Variants in NOD2 observed in about 807,000 individuals in gnomAD.
NOD2 encodes the protein nucleotide-binding oligomerization domain-containing protein 2.
A neutral mutation model predicts 90.9 loss-of-function variants in NOD2; 86 were observed. The ratio of observed to expected loss-of-function variants is 0.95; its 90% CI spans 0.79 to 1.13. NOD2 has a LOEUF of 1.13. Among genes scored for constraint, NOD2 ranks in the 50% most tolerant of loss-of-function variants. NOD2 has a pLI of 0.00. For synonymous variants in NOD2, 581 were observed against 554.6 expected (o/e 1.05, Z -0.67); for missense variants, 1,238 against 1,283.8 (o/e 0.96, Z 0.55).
chr16:50,693,829 G>A (rs921594002), intron 1 of NOD2, among the ~76,000 whole-genome samples, 167 bp downstream of exon 1: 26 of 152,158 alleles, frequency 1.7e-4, no homozygotes, highest in African/African-American at 5.3e-4. Context: ...TAGATGGGAA[G>A]TGAGACGGAA....
chr16:50,715,174 G>A (rs1459063939), intron 4 of NOD2, among the ~76,000 whole-genome samples: 1 of 152,208 alleles, frequency 6.6e-6, no homozygotes, highest in Admixed American at 6.5e-5. Context: ...AAGCCTTTAT[G>A]TGCCGTACAA....
At chr16:50,724,485 A>G (rs1037122655) in intron 9 of NOD2, among the ~76,000 whole-genome samples, 4 of 152,252 alleles carry the variant, frequency 2.6e-5, no homozygotes, top group South Asian at 2.1e-4. Flanking sequence ...AAGGTAGGCA[A>G]GCAGTATCTA....
At chr16:50,705,045 A>C (rs913611972) in intron 2 of NOD2, among the ~76,000 whole-genome samples, 2 of 151,926 alleles carry the variant, frequency 1.3e-5, no homozygotes, top group East Asian at 3.8e-4. Context: ...ACTACTATTA[A>C]TTCAATGTTA....
intron 4 of NOD2, among the ~76,000 whole-genome samples, chr16:50,714,221 G>A (rs1022424041): frequency 4.6e-5 from 7 of 152,168 alleles, no homozygotes; most frequent in African/African-American, 1.7e-4. Context: ...TTACCAGGGT[G>A]TGCAGAAGGG....
chr16:50,699,843 G>A lies in NOD2; in HGVS notation c.348G>A (p.Arg116=). The A allele has an allele frequency of 1.2e-6, 2 of 1,613,552 alleles. No homozygotes were observed. Among genetic ancestry groups the A allele is most frequent in the Non-Finnish European group, 1.7e-6 (2 of 1,179,940 alleles). ...DLQSHRPAIV[R]RLHSHVENML... ...AGAGTCACCGGCCAGCCATTGTCAG[G>A]AGGCTCCACAGCCATGTGGAGAACA... The change falls in exon 2 of 12, where the codon AGG becomes AGA. Residue 116 remains arginine (R), a synonymous_variant. Coordinates refer to ENST00000647318, the MANE Select transcript of NOD2 (RefSeq NM_001370466.1).
intron 6 of NOD2, 140 bp from the exon 7 acceptor site, chr16:50,719,785 G>A (rs1168371998): frequency 7.6e-6 from 6 of 788,874 alleles, no homozygotes; most frequent in East Asian, 4.9e-5. Context: ...AGACCTAGCA[G>A]CGAGGGCACC....
Position 50,717,316 on chromosome 16 carries a change from A to G in NOD2, c.2549+342A>G, listed in dbSNP as rs2150825280. Reference sequence around the variant, plus strand: ...GCTCGTCCTGGTGGGGGAGGCATACACAGTTACTTGCCACCCCAGCTGTGG... The same window carrying G: ...GCTCGTCCTGGTGGGGGAGGCATACGCAGTTACTTGCCACCCCAGCTGTGG... On this transcript the variant is annotated intron_variant, in intron 6 of 11. Coordinates refer to ENST00000647318, the MANE Select transcript of NOD2 (RefSeq NM_001370466.1). 1.3e-5 allele frequency among the ~76,000 whole-genome samples: 2 copies of G among 152,264 alleles called. 1 individual carries two copies. The highest frequency in any genetic ancestry group is 6.8e-3 in the Middle Eastern group (2 of 294).
In NOD2 at chr16:50,722,683, C is replaced by A; in HGVS notation, c.2695C>A (p.His899Asn). 6.2e-7 allele frequency: 1 copy of A among 1,614,234 alleles called. No homozygotes were observed. ...GGCCCTGGCTGAAGCCTTGGGTGAT[C>A]ACCAGAGCTTGAGGTGGCTCAGGTA... Reference protein sequence around the residue: ...AQALAEALGDHQSLRWLSLVG... With the variant: ...AQALAEALGDNQSLRWLSLVG... The change falls in exon 8 of 12, where the codon CAC becomes AAC. Residue 899 changes from histidine to asparagine, a missense_variant. This residue lies in a region of NOD2 where 667 missense variants were observed against 688.7 expected (regional missense o/e 0.97). Transcript: ENST00000647318.
chr16:50,704,624 C>G (rs1365412171), intron 2 of NOD2, among the ~76,000 whole-genome samples: 2 of 151,806 alleles, frequency 1.3e-5, no homozygotes, highest in Non-Finnish European at 2.9e-5. Context: ...ACCTCCACCT[C>G]CTGGGTTTAA....
At chr16:50,728,922 T>G (rs1875333365) in intron 10 of NOD2, 1 of 152,956 alleles carries the variant, frequency 6.5e-6, no homozygotes, top group South Asian at 2.1e-4. Flanking sequence ...TTTCTATCAA[T>G]TAAGTACTGT....
In NOD2 at chr16:50,714,602, C is replaced by CTGTGTGTGTG. The variant is rs67559630; in HGVS notation, c.2382-1953_2382-1944dup. On this transcript the variant is annotated intron_variant, in intron 4 of 11. Coordinates refer to ENST00000647318, the MANE Select transcript of NOD2 (RefSeq NM_001370466.1). ...CAACCATGAGGTTGCTGTGAGTGCACTGTGTGTGTGTGTGTGTGTGTGTGT... is the reference window on the plus strand; with the variant it reads ...CAACCATGAGGTTGCTGTGAGTGCACTGTGTGTGTGTGTGTGTGTGTGTGTGTGTGTGTGT... 1.6e-3 allele frequency among the ~76,000 whole-genome samples: 217 copies of CTGTGTGTGTG among 136,012 alleles called. 1 individual carries two copies. Among genetic ancestry groups the CTGTGTGTGTG allele is most frequent in the Middle Eastern group, 7.4e-3 (2 of 272 alleles). The allele number at this position is 136,012 out of a possible 152,430, so 89.2% of individuals were successfully genotyped here.
At chr16:50,730,099 T>C (rs1227551470) in intron 11 of NOD2, 198 bp downstream of exon 11, 9 of 531,494 alleles carry the variant, frequency 1.7e-5, no homozygotes, top group Non-Finnish European at 3.1e-5. Flanking sequence ...TAGGGAGCAA[T>C]GATTTCATTT....
In NOD2 at chr16:50,707,934, C is replaced by G. The variant is rs1596852030; in HGVS notation, c.539C>G (p.Pro180Arg). 6.2e-7 allele frequency: 1 copy of G among 1,613,524 alleles called. No individual in the cohort carries two copies. Among genetic ancestry groups the G allele is most frequent in the Non-Finnish European group, 8.5e-7 (1 of 1,179,436 alleles). ...CTTCTACAACATGTTCAGGAATTAC[C>G]AGTCCCATTGGCCCTGCCTTTGGAA... ...AFLLQHVQEL[P>R]VPLALPLEAA... Residue 180 changes from proline (P) to arginine (R), a missense_variant, in exon 3 of 12, where the codon CCA becomes CGA. Transcript: ENST00000647318.
chr16:50,707,933 C>A lies in NOD2; in HGVS notation c.538C>A (p.Pro180Thr). The change falls in exon 3 of 12, where the codon CCA becomes ACA. Residue 180 changes from proline (P) to threonine (T), a missense_variant. By Grantham distance (38) the Pro-to-Thr change is conservative (BLOSUM62 -1). This residue lies in a region of NOD2 where 567 missense variants were observed against 577.3 expected (regional missense o/e 0.98). Transcript: ENST00000647318. ...AFLLQHVQEL[P>T]VPLALPLEAA... ...CCTTCTACAACATGTTCAGGAATTA[C>A]CAGTCCCATTGGCCCTGCCTTTGGA... The A allele has an allele frequency of 3.7e-6, 6 of 1,613,598 alleles. No individual in the cohort carries two copies. The highest frequency in any genetic ancestry group is 5.1e-6 in the Non-Finnish European group (6 of 1,179,522).
At chr16:50,720,208 T>A (rs1344363892) in intron 7 of NOD2, among the ~76,000 whole-genome samples, 200 bp downstream of exon 7, 1 of 152,108 alleles carries the variant, frequency 6.6e-6, no homozygotes, top group Non-Finnish European at 1.5e-5. Flanking sequence ...AAGTTTGGGA[T>A]GTTGGGGCTA....
At chr16:50,721,797 C>T (rs920945774) in intron 7 of NOD2, among the ~76,000 whole-genome samples, 3 of 152,184 alleles carry the variant, frequency 2.0e-5, no homozygotes, top group Non-Finnish European at 4.4e-5. Context: ...TCAGCCTGAC[C>T]TCATTTTTCA....
chr16:50,728,101 G>A (rs746179130), intron 10 of NOD2: 1 of 224,010 alleles, frequency 4.5e-6, no homozygotes, highest in Non-Finnish European at 9.2e-6. Context: ...CAGCTCATGA[G>A]GCACACACTT....
intron 9 of NOD2, among the ~76,000 whole-genome samples, chr16:50,724,938 G>A (rs749910): frequency 0.17 from 25,742 of 152,210 alleles, 2,868 homozygotes; most frequent in Non-Finnish European, 0.25. Flanking sequence ...CTTAGCCTGT[G>A]ACTTCATTCA....
rs6413461 is a variant in NOD2, at chr16:50,712,107, C to T, written c.2115C>T (p.Ser705=). The change falls in exon 4 of 12, where the codon AGC becomes AGT. Residue 705 remains serine (S), a synonymous_variant. Transcript: ENST00000647318. ...CAGCTGCACCGGGTGAGGCCAAGAG[C>T]GTGCATGCCATGCCCGGGTTCATCT... is the stretch of plus-strand genomic sequence containing the variant. The part of the protein sequence containing the change: ...IPPAAPGEAK[S]VHAMPGFIWL... 11 of 1,613,870 alleles carry T rather than the reference C, an allele frequency of 6.8e-6. No homozygotes were observed. The highest frequency in any genetic ancestry group is 2.2e-5 in the East Asian group (1 of 44,904).
Sources: gnomAD v4.1 joint callset for allele counts (sites outside exome capture counted in the v4.1 genomes callset) on GRCh38, gnomAD v4.1.1 for gene constraint, gnomAD v4.1.1 regional missense constraint, MANE v1.5 for transcripts, NCBI Gene and HGNC (gene_info 2026-07-23, HGNC 2026-07-21) for gene names.